ZNF362: variants seen among roughly 807,000 people sequenced by gnomAD.
ZNF362 encodes the protein rotund homolog.
A neutral mutation model predicts 42.9 loss-of-function variants in ZNF362; 11 were observed. That is an observed-to-expected ratio of 0.26 (90% CI 0.16 to 0.42). The LOEUF (loss-of-function observed/expected upper bound fraction) is 0.42. ZNF362 is among the 20% of genes least tolerant of loss of function. The pLI, the probability that ZNF362 is intolerant of heterozygous loss-of-function variation, is 1.00. For missense variants in ZNF362, 362 were observed against 576.2 expected (o/e 0.63, Z 3.81); for synonymous variants, 255 against 257.3 (o/e 0.99, Z 0.09).
chr1:33,218,932 TACACAC>T, the ZNF362 span, among the ~76,000 whole-genome samples: 11,380 of 120,910 alleles, frequency 0.094, 530 homozygotes, highest in African/African-American at 0.11. Flanking sequence ...GAGCTGGACA[TACACAC>T]ACACACACAC....
the ZNF362 span, among the ~76,000 whole-genome samples, chr1:33,177,250 GCTT>G: frequency 1.3e-5 from 2 of 152,174 alleles, no homozygotes; most frequent in Admixed American, 6.5e-5. This position sits in a 1 kb window ranked among gnomAD's most constrained non-coding sequence, Gnocchi z 4.1. Flanking sequence ...ATACAGCTCT[GCTT>G]CTTATGTTAA....
chr1:33,286,261 C>T (rs1053402618), intron 6 of ZNF362, among the ~76,000 whole-genome samples: 1 of 151,764 alleles, frequency 6.6e-6, no homozygotes, highest in African/African-American at 2.4e-5. Context: ...CTGAGAAAGG[C>T]GACAGCACAA....
At chr1:33,156,219 T>C in the ZNF362 span, among the ~76,000 whole-genome samples, 1 of 152,216 alleles carries the variant, frequency 6.6e-6, no homozygotes, top group Non-Finnish European at 1.5e-5. Flanking sequence ...ATCTCACAGA[T>C]ATGCTGTATT....
At chr1:33,210,964 C>T in the ZNF362 span, among the ~76,000 whole-genome samples, 17 of 149,994 alleles carry the variant, frequency 1.1e-4, no homozygotes, top group Middle Eastern at 3.4e-3. Flanking sequence ...GACAGAGACT[C>T]ACTCTGTCAC....
upstream of ZNF362, chr1:33,256,484 C>T: frequency 5.9e-6 from 1 of 168,852 alleles, no homozygotes; most frequent in South Asian, 1.5e-4. Context: ...TCGGCGCTTG[C>T]AGAACCCAGA....
the ZNF362 span, among the ~76,000 whole-genome samples, chr1:33,189,650 T>TATATATATGTATATATATAC: frequency 1.5e-3 from 32 of 20,742 alleles, no homozygotes; most frequent in Admixed American, 3.3e-3. Flanking sequence ...TATATATATA[T>TATATATATGTATATATATAC]ATATATATAT....
the ZNF362 span, among the ~76,000 whole-genome samples, chr1:33,152,009 T>C: frequency 6.6e-6 from 1 of 152,204 alleles, no homozygotes; most frequent in Non-Finnish European, 1.5e-5. Context: ...AAAAACCAGG[T>C]TCCTCAGTCC....
chr1:33,237,438 C>T, the ZNF362 span, among the ~76,000 whole-genome samples: 48 of 152,288 alleles, frequency 3.2e-4, no homozygotes, highest in South Asian at 6.2e-4. Flanking sequence ...CTCTTCCCTA[C>T]GCTGACCTTC....
the ZNF362 span, among the ~76,000 whole-genome samples, chr1:33,212,971 T>C: frequency 1.3e-5 from 2 of 152,204 alleles, no homozygotes; most frequent in Admixed American, 6.5e-5. Flanking sequence ...AATCCATGGA[T>C]GAATGAATAA....
Position 33,280,250 on chromosome 1 carries a change from C to T in ZNF362, c.476C>T (p.Ser159Leu), listed in dbSNP as rs1053031763. The change falls in exon 5 of 9, where the codon TCG becomes TTG. Residue 159 changes from serine to leucine, a missense_variant. Physicochemically the swap from Ser to Leu is moderately radical, Grantham distance 145 (BLOSUM62 -2). This residue lies in a region of ZNF362 where 266 missense variants were observed against 365.4 expected (regional missense o/e 0.73). Transcript: ENST00000539719. The surrounding 1 kb of genome is among the most constrained non-coding windows in gnomAD (Gnocchi z 5.6). Reference sequence around the variant, plus strand: ...ACCAGCCAGAGCCGCCTCATCGCCTCGTCCCCCACCCTCATCTCAGGGATC... The same window carrying T: ...ACCAGCCAGAGCCGCCTCATCGCCTTGTCCCCCACCCTCATCTCAGGGATC... The part of the protein sequence containing the change: ...TTTSQSRLIA[S>L]SPTLISGITS... 1.2e-6 allele frequency: 2 copies of T among 1,613,952 alleles called. No homozygotes were observed. The highest frequency in any genetic ancestry group is 1.7e-6 in the Non-Finnish European group (2 of 1,179,952).
At chr1:33,171,599 T>TA in the ZNF362 span, among the ~76,000 whole-genome samples, 1 of 152,160 alleles carries the variant, frequency 6.6e-6, no homozygotes, top group African/African-American at 2.4e-5. Context: ...GGTGGGCCTA[T>TA]ACATGGTCCT....
the ZNF362 span, among the ~76,000 whole-genome samples, chr1:33,235,001 C>T: frequency 6.6e-6 from 1 of 152,170 alleles, no homozygotes; most frequent in Non-Finnish European, 1.5e-5. Context: ...CTCACTCCCC[C>T]TGCAGTCCCG....
the ZNF362 span, among the ~76,000 whole-genome samples, chr1:33,166,989 A>G: frequency 2.6e-5 from 4 of 152,052 alleles, no homozygotes; most frequent in Non-Finnish European, 4.4e-5. Flanking sequence ...TCTGTCTCCA[A>G]CACCCTCCCC....
chr1:33,178,006 G>T, the ZNF362 span, among the ~76,000 whole-genome samples: 1 of 152,146 alleles, frequency 6.6e-6, no homozygotes, highest in African/African-American at 2.4e-5. Context: ...ACAAAGCAGG[G>T]CTCTTAATTT....
the ZNF362 span, among the ~76,000 whole-genome samples, chr1:33,224,120 A>G: frequency 8.7e-3 from 1,320 of 152,296 alleles, 11 homozygotes; most frequent in Middle Eastern, 0.088. Flanking sequence ...TGAATTTACC[A>G]AAACATCAAG....
At chr1:33,136,035 G>A in the ZNF362 span, among the ~76,000 whole-genome samples, 9 of 150,920 alleles carry the variant, frequency 6.0e-5, no homozygotes, top group Non-Finnish European at 1.2e-4. Flanking sequence ...AAGCTTGTCT[G>A]AGCAAACATG....
intron 6 of ZNF362, among the ~76,000 whole-genome samples, chr1:33,286,260 G>T (rs571620208): frequency 6.6e-6 from 1 of 152,230 alleles, no homozygotes; most frequent in Non-Finnish European, 1.5e-5. Context: ...TCTGAGAAAG[G>T]CGACAGCACA....
the ZNF362 span, among the ~76,000 whole-genome samples, chr1:33,241,987 A>T: frequency 6.6e-6 from 1 of 152,214 alleles, no homozygotes; most frequent in African/African-American, 2.4e-5. Context: ...ACAGCTAAAG[A>T]TGACACTGAG....
At chr1:33,222,763 G>C in the ZNF362 span, among the ~76,000 whole-genome samples, 1 of 152,156 alleles carries the variant, frequency 6.6e-6, no homozygotes, top group African/African-American at 2.4e-5. Flanking sequence ...TGGCAGTCAA[G>C]TGTTACCTCT....
Sources: gnomAD v4.1 joint callset for allele counts (sites outside exome capture counted in the v4.1 genomes callset) on GRCh38, gnomAD v4.1.1 for gene constraint, gnomAD v4.1.1 regional missense constraint, Gnocchi (gnomAD v3.1) non-coding constraint, MANE v1.5 for transcripts, NCBI Gene and HGNC (gene_info 2026-07-23, HGNC 2026-07-21) for gene names.